The following IMMP2L variants were observed in gnomAD, a reference collection of about 807,000 sequenced individuals.
IMMP2L encodes mitochondrial inner membrane protease subunit 2.
In IMMP2L, 18 loss-of-function variants were observed where a neutral mutation model predicts 19.3. That is an observed-to-expected ratio of 0.93 (90% CI 0.64 to 1.38). IMMP2L has a LOEUF of 1.38. Among genes scored for constraint, IMMP2L ranks in the 40% most tolerant of loss-of-function variants. The pLI is 0.00. For synonymous variants in IMMP2L, 76 were observed against 73.0 expected (o/e 1.04, Z -0.21); for missense variants, 233 against 218.2 (o/e 1.07, Z -0.43).
At chr7:111,496,471 T>C (rs571056515) in intron 2 of IMMP2L, among the ~76,000 whole-genome samples, 43 of 152,236 alleles carry the variant, frequency 2.8e-4, no homozygotes, top group South Asian at 1.7e-3. Flanking sequence ...CCAGGAGAGA[T>C]TGGCCTTTGA....
At chr7:111,150,653 A>C (rs1803971483) in intron 3 of IMMP2L, among the ~76,000 whole-genome samples, 1 of 152,212 alleles carries the variant, frequency 6.6e-6, no homozygotes, top group Non-Finnish European at 1.5e-5. Context: ...TCATTACTAT[A>C]GAATTTTACG....
At chr7:110,761,930 C>G (rs1442800083) in intron 5 of IMMP2L, among the ~76,000 whole-genome samples, 7 of 152,094 alleles carry the variant, frequency 4.6e-5, no homozygotes. Context: ...CTAAACACTG[C>G]CAGCATAGCT....
At chr7:110,754,929 T>G (rs1797951498) in intron 5 of IMMP2L, among the ~76,000 whole-genome samples, 1 of 151,942 alleles carries the variant, frequency 6.6e-6, no homozygotes, top group African/African-American at 2.4e-5. Flanking sequence ...ATATTACATT[T>G]GAAATTAAAT....
intron 5 of IMMP2L, among the ~76,000 whole-genome samples, chr7:110,819,842 A>G (rs905824715): frequency 6.6e-6 from 1 of 151,766 alleles, no homozygotes; most frequent in African/African-American, 2.4e-5. Context: ...ATTGATTTCC[A>G]TGGTGTGTGT....
At chr7:110,666,353 C>T (rs921729331) in intron 5 of IMMP2L, among the ~76,000 whole-genome samples, 3 of 152,150 alleles carry the variant, frequency 2.0e-5, no homozygotes, top group African/African-American at 7.2e-5. Context: ...CAGCTCACTG[C>T]AAGCTCCACC....
intron 5 of IMMP2L, among the ~76,000 whole-genome samples, chr7:110,810,277 C>T (rs187924945): frequency 6.6e-5 from 10 of 152,128 alleles, no homozygotes; most frequent in Non-Finnish European, 1.5e-4. Flanking sequence ...CTGCTGATAC[C>T]ATTTCTGGCC....
At chr7:111,094,923 G>A (rs1797246886) in intron 3 of IMMP2L, among the ~76,000 whole-genome samples, 1 of 152,072 alleles carries the variant, frequency 6.6e-6, no homozygotes, top group Non-Finnish European at 1.5e-5. Flanking sequence ...ATGCTATTTA[G>A]AGGTCATTAA....
intron 5 of IMMP2L, among the ~76,000 whole-genome samples, chr7:110,732,792 C>CTTT (rs1251223681): frequency 3.5e-5 from 5 of 140,944 alleles, no homozygotes; most frequent in African/African-American, 5.1e-5. Flanking sequence ...CAATGAATTT[C>CTTT]TTTTTTTTTT....
chr7:110,837,017 T>C (rs11767545), intron 5 of IMMP2L, among the ~76,000 whole-genome samples: 67,152 of 151,928 alleles, frequency 0.44, 16,811 homozygotes, highest in East Asian at 0.72. Context: ...TTCAGGGATT[T>C]TTCATAAAAA....
chr7:111,166,405 A>G (rs997446899), intron 3 of IMMP2L, among the ~76,000 whole-genome samples: 10 of 151,992 alleles, frequency 6.6e-5, no homozygotes, highest in African/African-American at 2.4e-4. Flanking sequence ...ATTATATTAT[A>G]CTCTCTCCTA....
At chr7:111,190,077 T>G (rs1278512793) in intron 3 of IMMP2L, among the ~76,000 whole-genome samples, 1 of 152,158 alleles carries the variant, frequency 6.6e-6, no homozygotes, top group Non-Finnish European at 1.5e-5. Context: ...AAAAATTGTC[T>G]GCAGATATAC....
chr7:111,224,812 C>A (rs1268978427), intron 3 of IMMP2L, among the ~76,000 whole-genome samples: 1 of 152,122 alleles, frequency 6.6e-6, no homozygotes, highest in African/African-American at 2.4e-5. Flanking sequence ...AAAGCCTTGG[C>A]ACCAAACTTT....
At chr7:110,805,439 C>T (rs1238480303) in intron 5 of IMMP2L, among the ~76,000 whole-genome samples, 1 of 151,972 alleles carries the variant, frequency 6.6e-6, no homozygotes, top group African/African-American at 2.4e-5. Flanking sequence ...CTTTCATGGT[C>T]CAACATCCAT....
At chr7:111,477,286 T>C (rs1472694146) in intron 3 of IMMP2L, among the ~76,000 whole-genome samples, 3 of 152,104 alleles carry the variant, frequency 2.0e-5, no homozygotes, top group Non-Finnish European at 4.4e-5. Context: ...TCACACATAA[T>C]CCTGGGCTCA....
At chr7:110,781,633 C>T (rs10500000) in intron 5 of IMMP2L, among the ~76,000 whole-genome samples, 45,198 of 151,374 alleles carry the variant, frequency 0.3, 8,404 homozygotes, top group East Asian at 0.68. Flanking sequence ...CATTTTCCTA[C>T]GTTCAGATAT....
chr7:111,356,580 G>A (rs1246023093), intron 3 of IMMP2L, among the ~76,000 whole-genome samples: 1 of 152,054 alleles, frequency 6.6e-6, no homozygotes, highest in African/African-American at 2.4e-5. Context: ...AATCCCAATT[G>A]TACGCTTTTT....
At chr7:111,365,328 T>C (rs1354529098) in intron 3 of IMMP2L, among the ~76,000 whole-genome samples, 4 of 152,176 alleles carry the variant, frequency 2.6e-5, no homozygotes, top group Non-Finnish European at 5.9e-5. Flanking sequence ...TTCATGCTTA[T>C]CCTTTTCAAT....
intron 3 of IMMP2L, among the ~76,000 whole-genome samples, chr7:111,329,827 C>G (rs543145911): frequency 2.0e-5 from 3 of 151,850 alleles, no homozygotes; most frequent in African/African-American, 7.2e-5. Flanking sequence ...CTTACAATAA[C>G]AGGAGAGGGT....
At chr7:111,235,303 C>A (rs1360947441) in intron 3 of IMMP2L, among the ~76,000 whole-genome samples, 1 of 151,948 alleles carries the variant, frequency 6.6e-6, no homozygotes, top group African/African-American at 2.4e-5. Context: ...GAAACCCAGT[C>A]TCTACTAAAA....
Sources: allele counts gnomAD v4.1 joint callset (sites outside exome capture counted in the v4.1 genomes callset), GRCh38; gene constraint gnomAD v4.1.1; transcripts MANE v1.5; gene names NCBI Gene and HGNC (gene_info 2026-07-23, HGNC 2026-07-21).